The following GREP1 variants were observed in gnomAD, a reference collection of about 807,000 sequenced individuals.
GREP1 encodes the protein glycine rich extracellular protein 1.
chr16:2,992,658 T>G lies in GREP1; in HGVS notation c.323-147T>G, dbSNP rs551650335. 23 of 396,984 alleles carry G rather than the reference T, an allele frequency of 5.8e-5. No individual in the cohort carries two copies. The highest frequency in any genetic ancestry group is 4.5e-4 in the African/African-American group (22 of 48,704). The allele number at this position is 396,984 out of a possible 1,614,324, so 24.6% of individuals were successfully genotyped here. Reference sequence around the variant, plus strand: ...GCCAAGAACCAAATCCAACTTTGACTGCAGTCAGGCCTGGGAGGGAGTTCA... The same window carrying G: ...GCCAAGAACCAAATCCAACTTTGACGGCAGTCAGGCCTGGGAGGGAGTTCA... On this transcript the variant is annotated intron_variant, in intron 8 of 34. Coordinates refer to ENST00000573315, the Ensembl canonical transcript of GREP1. This position sits in a 1 kb window ranked among gnomAD's most constrained non-coding sequence, Gnocchi z 4.9.
intron 7 of GREP1, 134 bp from the exon 7 acceptor site, chr16:2,990,914 G>A: frequency 2.5e-6 from 1 of 398,400 alleles, no homozygotes. Flanking sequence ...GGCTTTGGAG[G>A]GGCTGAGAAG....
At chr16:2,999,084 C>T (rs547577397) in intron 26 of GREP1, 105 bp downstream of exon 24, 5 of 398,596 alleles carry the variant, frequency 1.3e-5, no homozygotes, top group African/African-American at 8.2e-5. Flanking sequence ...TGCCAAGGCT[C>T]AGAGAGGGCA....
chr16:2,992,774 C>G lies in GREP1; in HGVS notation c.323-31C>G, dbSNP rs2151094015. On this transcript the variant is annotated intron_variant, in intron 8 of 34. Coordinates refer to ENST00000573315, the Ensembl canonical transcript of GREP1. This position sits in a 1 kb window ranked among gnomAD's most constrained non-coding sequence, Gnocchi z 4.9. ...CCCCAGCTCATCCCCACTGCACCAC[C>G]TTCCACACTCCTGTGTCTGCCCTCA... is the stretch of plus-strand genomic sequence containing the variant. 1.5e-5 allele frequency: 6 copies of G among 399,244 alleles called. No homozygotes were observed. The East Asian group carries it at 2.1e-4, about 14-fold the overall frequency. 24.7% of individuals were successfully genotyped at this position (399,244 alleles called of 1,614,324 possible).
At chr16:3,001,681 C>T in exon 35 of GREP1, 1 of 399,058 alleles carries the variant, frequency 2.5e-6, no homozygotes, top group Non-Finnish European at 4.4e-6. Flanking sequence ...CATGCTAGAA[C>T]CACAAACGTG....
exon 35 of GREP1, chr16:3,001,763 C>A: frequency 2.5e-6 from 1 of 397,528 alleles, no homozygotes; most frequent in South Asian, 1.4e-4. Flanking sequence ...GGCCTGCAGC[C>A]ACCACCCAGC....
At chr16:2,993,014 G>A (rs977785550) in intron 10 of GREP1, 51 bp downstream of exon 11, 18 of 398,696 alleles carry the variant, frequency 4.5e-5, no homozygotes, top group African/African-American at 2.3e-4. Flanking sequence ...TGCATCTGCC[G>A]CTGCTTCCCT....
chr16:2,995,383 A>C, intron 14 of GREP1, 67 bp downstream of exon 15: 1 of 396,170 alleles, frequency 2.5e-6, no homozygotes, highest in African/African-American at 2.1e-5. Flanking sequence ...TCTCACCCCC[A>C]CCTCCATCTG....
At chr16:2,993,794 C>T (rs1014645919) in intron 10 of GREP1, 2 of 152,138 alleles carry the variant, frequency 1.3e-5, no homozygotes. Context: ...GCCGTCTCTA[C>T]TGAAAATACA....
rs1007777284 is a variant in GREP1 at position 2,989,187 on chromosome 16, C to G, written c.101-336C>G. On this transcript the variant is annotated intron_variant, in intron 2 of 34. Transcript: ENST00000573315. The surrounding 1 kb of genome is among the most constrained non-coding windows in gnomAD (Gnocchi z 4.2). ...GGAGAGGAAGAGGGTGGAGTGGGCT[C>G]TGCCCCACAGTCCCCCAGAGCCCTG... 3.0e-6 allele frequency: 1 copy of G among 334,312 alleles called. No homozygotes were observed. The highest frequency in any genetic ancestry group is 2.1e-5 in the African/African-American group (1 of 47,276). 20.7% of individuals were successfully genotyped at this position (334,312 alleles called of 1,614,324 possible). A position where few individuals can be genotyped will look rare whatever the true frequency, so the allele number is the denominator to read the frequency against.
exon 32 of GREP1, chr16:3,000,569 C>T (rs1258759029): frequency 2.5e-6 from 1 of 398,760 alleles, no homozygotes; most frequent in Non-Finnish European, 4.4e-6. Flanking sequence ...GGGGTGGAAG[C>T]TCTGGTGTAC....
At chr16:2,998,079 C>A (rs1364148958) in intron 23 of GREP1, among the ~76,000 whole-genome samples, 2 of 149,676 alleles carry the variant, frequency 1.3e-5, no homozygotes, top group Non-Finnish European at 3.0e-5. Flanking sequence ...GTGGGGTGGG[C>A]CTGTCCATTA....
chr16:2,988,977 G>A (rs573391512), intron 2 of GREP1: 12 of 299,806 alleles, frequency 4.0e-5, no homozygotes, highest in African/African-American at 2.1e-4. Flanking sequence ...GGCAGGAGGT[G>A]GAGTGTCATG....
rs2072403075 is a variant in GREP1 at position 2,992,262 on chromosome 16, G to T, written c.323-543G>T. On this transcript the variant is annotated intron_variant, in intron 8 of 34. Transcript: ENST00000573315. This position sits in a 1 kb window ranked among gnomAD's most constrained non-coding sequence, Gnocchi z 4.9. ...TCCAGAAGGCAGAAAGTTTATTTCT[G>T]GGGGAGGACAGGGGATGGGTGGGGT... The T allele has an allele frequency of 6.6e-6, 1 of 152,444 alleles. No homozygotes were observed. The highest frequency in any genetic ancestry group is 1.5e-5 in the Non-Finnish European group (1 of 68,212). 9.4% of individuals were successfully genotyped at this position (152,444 alleles called of 1,614,324 possible). A position where few individuals can be genotyped will look rare whatever the true frequency, so the allele number is the denominator to read the frequency against.
In GREP1 at chr16:2,989,776, AAG is replaced by A. The variant is rs1465539381; in HGVS notation, c.131-193_131-192del. Among the ~76,000 whole-genome samples, 1 of 151,892 alleles carries A rather than the reference AAG, an allele frequency of 6.6e-6. No individual in the cohort carries two copies. Among genetic ancestry groups the A allele is most frequent in the Non-Finnish European group, 1.5e-5 (1 of 67,908 alleles). ...AATGGAGCGGGGAGGGAAGAAAGGA[AAG>A]AGAGCAGAAAGGAAGGAGAGAGGGA... is the stretch of plus-strand genomic sequence containing the variant. On this transcript the variant is annotated intron_variant, in intron 3 of 34. Transcript: ENST00000573315. This position sits in a 1 kb window ranked among gnomAD's most constrained non-coding sequence, Gnocchi z 4.2.
rs59699838 is a variant in GREP1 at position 2,989,510 on chromosome 16, A to T, written c.101-13A>T. ...TCCAGCACCCCGGGCTCAACATCTC[A>T]CTTCTCCCACAGTCTATGGCCCCCA... On this transcript the variant is annotated splice_polypyrimidine_tract_variant and intron_variant, in intron 2 of 34. Coordinates refer to ENST00000573315, the Ensembl canonical transcript of GREP1. This position sits in a 1 kb window ranked among gnomAD's most constrained non-coding sequence, Gnocchi z 4.2. The T allele has an allele frequency of 0.011, 4,434 of 398,398 alleles. 185 individuals carry two copies. The highest frequency in any genetic ancestry group is 0.083 in the African/African-American group (4,021 of 48,428). 24.7% of individuals were successfully genotyped at this position (398,398 alleles called of 1,614,324 possible). A position where few individuals can be genotyped will look rare whatever the true frequency, so the allele number is the denominator to read the frequency against.
intron 27 of GREP1, among the ~76,000 whole-genome samples, chr16:2,999,486 T>C (rs1423546451): frequency 1.4e-5 from 2 of 147,774 alleles, no homozygotes; most frequent in African/African-American, 5.0e-5. Flanking sequence ...GCTCTTTTTT[T>C]TTTTTTTTTT....
rs73484354 is a variant in GREP1 at position 2,989,107 on chromosome 16, G to A, written c.101-416G>A. 8,396 of 247,956 alleles carry A rather than the reference G, an allele frequency of 0.034. 676 individuals carry two copies. Among genetic ancestry groups the A allele is most frequent in the African/African-American group, 0.17 (7,725 of 44,998 alleles). The allele number at this position is 247,956 out of a possible 1,614,324, so 15.4% of individuals were successfully genotyped here. On this transcript the variant is annotated intron_variant, in intron 2 of 34. Transcript: ENST00000573315. This position sits in a 1 kb window ranked among gnomAD's most constrained non-coding sequence, Gnocchi z 4.2. Reference sequence around the variant, plus strand: ...TGGGGGGCAGAGGTGGTGAGAAGAAGAGGAGGAGATTTCCATGAAGGGAGA... The same window carrying A: ...TGGGGGGCAGAGGTGGTGAGAAGAAAAGGAGGAGATTTCCATGAAGGGAGA...
At position 2,999,125 on chromosome 16, in the gene GREP1, G is replaced by C. The variant is rs1367393402; in HGVS notation, c.1145-131G>C. ...TTGTCACACAGTGATCTGCTGAGGA[G>C]AAGCCTGAACTCTGGCCCTGGGACC... On this transcript the variant is annotated intron_variant, in intron 26 of 34. Transcript: ENST00000573315. 3 of 398,504 alleles carry C rather than the reference G, an allele frequency of 7.5e-6. No homozygotes were observed. The South Asian group carries it at 3.9e-4, about 52-fold the overall frequency. The allele number at this position is 398,504 out of a possible 1,614,324, so 24.7% of individuals were successfully genotyped here. A position where few individuals can be genotyped will look rare whatever the true frequency, so the allele number is the denominator to read the frequency against.
At position 2,992,562 on chromosome 16, in the gene GREP1, C is replaced by A. The variant is rs1455970450; in HGVS notation, c.323-243C>A. ...ACCCAATCTCCCCTGAGCACCCGTC[C>A]CAAGCCAGGCCTCGGCTGGCCATGG... On this transcript the variant is annotated intron_variant, in intron 8 of 34. Transcript: ENST00000573315. The surrounding 1 kb of genome is among the most constrained non-coding windows in gnomAD (Gnocchi z 4.9). 5.5e-6 allele frequency: 2 copies of A among 362,570 alleles called. No homozygotes were observed. The allele number at this position is 362,570 out of a possible 1,614,324, so 22.5% of individuals were successfully genotyped here.
Sources: allele counts gnomAD v4.1 joint callset (sites outside exome capture counted in the v4.1 genomes callset), GRCh38; gene constraint gnomAD v4.1.1; non-coding constraint Gnocchi (gnomAD v3.1); transcripts MANE v1.5; gene names NCBI Gene and HGNC (gene_info 2026-07-23, HGNC 2026-07-21).